Variants in SPATA21 observed in about 807,000 individuals in gnomAD.
SPATA21 encodes the protein spermatogenesis associated 21, also known as spermatogenesis-associated protein 21.
A neutral mutation model predicts 54.8 loss-of-function variants in SPATA21; 47 were observed. The observed-to-expected ratio is 0.86, with a 90% CI of 0.68 to 1.09. The LOEUF (loss-of-function observed/expected upper bound fraction) is 1.09, where lower values mean the gene tolerates loss of function less well. Ranked by LOEUF, SPATA21 falls within the 50% of genes least tolerant of loss-of-function variation. The pLI, the probability that SPATA21 is intolerant of heterozygous loss-of-function variation, is 0.00. For missense variants in SPATA21, 599 were observed against 596.4 expected (o/e 1.00, Z -0.05); for synonymous variants, 245 against 235.3 (o/e 1.04, Z -0.38).
At chr1:16,397,786 C>T (rs1314898026), downstream of SPATA21, 4 of 160,192 alleles carry the variant, frequency 2.5e-5, no homozygotes, top group African/African-American at 9.6e-5. This position sits in a 1 kb window ranked among gnomAD's most constrained non-coding sequence, Gnocchi z 5.4. Context: ...CCATCAGCCC[C>T]TTCCAGAGCC....
At chr1:16,411,107 C>T (rs1323982580) in intron 5 of SPATA21, among the ~76,000 whole-genome samples, 1 of 152,134 alleles carries the variant, frequency 6.6e-6, no homozygotes, top group African/African-American at 2.4e-5. Flanking sequence ...GTGCTTACCA[C>T]ACACTCTCTC....
rs889404548 is a variant in SPATA21, at chr1:16,421,340, C to T, written c.144+169G>A. On this transcript the variant is annotated intron_variant, in intron 5 of 12. Coordinates refer to ENST00000335496, the MANE Select transcript of SPATA21 (RefSeq NM_198546.1). This position sits in a 1 kb window ranked among gnomAD's most constrained non-coding sequence, Gnocchi z 5.2. ...ACACAGGCACAGGCACACACACACACGTGTGCACATCCATGTGCACTTTAA... is the reference window on the plus strand; with the variant it reads ...ACACAGGCACAGGCACACACACACATGTGTGCACATCCATGTGCACTTTAA... 2.6e-5 allele frequency among the ~76,000 whole-genome samples: 4 copies of T among 152,076 alleles called. No individual in the cohort carries two copies. Among genetic ancestry groups the T allele is most frequent in the South Asian group, 2.1e-4 (1 of 4,826 alleles).
intron 8 of SPATA21, 83 bp from the exon 9 acceptor site, chr1:16,404,122 CA>C: frequency 8.4e-7 from 1 of 1,186,566 alleles, no homozygotes. Context: ...TATTAGAAGT[CA>C]CTGTCTGGGT....
chr1:16,420,033 G>A (rs1255872003), intron 5 of SPATA21, among the ~76,000 whole-genome samples: 1 of 152,136 alleles, frequency 6.6e-6, no homozygotes, highest in Admixed American at 6.6e-5. Flanking sequence ...ATGGAGATGG[G>A]AGACCAGAGG....
intron 7 of SPATA21, among the ~76,000 whole-genome samples, chr1:16,407,400 G>A (rs1172337089): frequency 6.6e-6 from 1 of 152,144 alleles, no homozygotes; most frequent in Non-Finnish European, 1.5e-5. Context: ...AGGAGGTGGG[G>A]CAGGGAGAGC....
intron 3 of SPATA21, among the ~76,000 whole-genome samples, chr1:16,422,425 C>G (rs2086198375): frequency 6.6e-6 from 1 of 152,068 alleles, no homozygotes; most frequent in Non-Finnish European, 1.5e-5. Context: ...CCCAAAGAAC[C>G]ACACTTCCCT....
intron 2 of SPATA21, among the ~76,000 whole-genome samples, chr1:16,432,490 C>T (rs1292604371): frequency 1.3e-5 from 2 of 151,920 alleles, no homozygotes; most frequent in African/African-American, 4.8e-5. Context: ...GCCACCACCC[C>T]CTACACAAAC....
At chr1:16,413,159 T>C (rs1449533708) in intron 5 of SPATA21, among the ~76,000 whole-genome samples, 1 of 148,416 alleles carries the variant, frequency 6.7e-6, no homozygotes, top group African/African-American at 2.5e-5. Context: ...AGAAACTCCA[T>C]ATCCATTAAA....
rs368384075 is a variant in SPATA21 at position 16,410,647 on chromosome 1, A to G, written c.145-604T>C. The G allele has an allele frequency of 2.7e-3, 532 of 199,820 alleles. 14 individuals are homozygous for G. The South Asian group carries it at 0.031, about 12-fold the overall frequency. The allele number at this position is 199,820 out of a possible 1,614,324, so 12.4% of individuals were successfully genotyped here. A position where few individuals can be genotyped will look rare whatever the true frequency, so the allele number is the denominator to read the frequency against. ...GCTGGTCTCCAACTCCTGACCTCACATGATTTGCCTGCCTCAGCCTCCCAA... is the reference window on the plus strand; with the variant it reads ...GCTGGTCTCCAACTCCTGACCTCACGTGATTTGCCTGCCTCAGCCTCCCAA... On this transcript the variant is annotated intron_variant, in intron 5 of 12. Transcript: ENST00000335496.
In SPATA21 at chr1:16,428,163, G is replaced by A. The variant is rs985329049; in HGVS notation, c.34+3175C>T. ...ATTGGGGAAGCTGTTGGAGAGGGGT[G>A]AGCAGGAGCTGAGAGGCAGGGATGC... On this transcript the variant is annotated intron_variant, in intron 3 of 12. Transcript: ENST00000335496. The surrounding 1 kb of genome is among the most constrained non-coding windows in gnomAD (Gnocchi z 4.3). The A allele has an allele frequency of 7.3e-6, 8 of 1,102,328 alleles. No homozygotes were observed. Among genetic ancestry groups the A allele is most frequent in the Middle Eastern group, 2.1e-4 (1 of 4,786 alleles). 68.3% of individuals were successfully genotyped at this position (1,102,328 alleles called of 1,614,324 possible).
At chr1:16,429,455 T>G (rs1018195109) in intron 3 of SPATA21, among the ~76,000 whole-genome samples, 1 of 151,290 alleles carries the variant, frequency 6.6e-6, no homozygotes, top group African/African-American at 2.4e-5. Flanking sequence ...TGTATTGTAT[T>G]TTATTTATTT....
rs993903693 is a variant in SPATA21 at position 16,422,155 on chromosome 1, T to C, written c.35-184A>G. On this transcript the variant is annotated intron_variant, in intron 3 of 12. Transcript: ENST00000335496. ...CAGCAAGGCTCTGCTGGCTGCACCA[T>C]GTCTGCCTGGTGACTGGGGGTGGAT... 29 of 1,456,116 alleles carry C rather than the reference T, an allele frequency of 2.0e-5. No individual in the cohort carries two copies. The South Asian group carries it at 4.1e-4, about 21-fold the overall frequency. The allele number at this position is 1,456,116 out of a possible 1,614,324, so 90.2% of individuals were successfully genotyped here. A position where few individuals can be genotyped will look rare whatever the true frequency, so the allele number is the denominator to read the frequency against.
chr1:16,402,894 T>C (rs6678119), intron 10 of SPATA21, among the ~76,000 whole-genome samples: 71,917 of 152,000 alleles, frequency 0.47, 17,534 homozygotes, highest in East Asian at 0.67. Context: ...TCACTACACT[T>C]CAGCCTGGGC....
intron 7 of SPATA21, among the ~76,000 whole-genome samples, chr1:16,407,791 G>A (rs2100805484): frequency 6.8e-6 from 1 of 147,476 alleles, no homozygotes; most frequent in Admixed American, 6.7e-5. Flanking sequence ...TAAGAGACAG[G>A]GTCTTGCTCT....
At chr1:16,398,593 G>A (rs1307162035), downstream of SPATA21, 2 of 689,160 alleles carry the variant, frequency 2.9e-6, no homozygotes, top group African/African-American at 1.8e-5. Context: ...AGAGCCCAGT[G>A]GTGGCTGGGT....
intron 10 of SPATA21, among the ~76,000 whole-genome samples, chr1:16,401,237 G>A (rs1369395075): frequency 6.6e-6 from 1 of 152,216 alleles, no homozygotes; most frequent in Non-Finnish European, 1.5e-5. Flanking sequence ...GGCCCATCAA[G>A]CACGCAGCAT....
intron 7 of SPATA21, among the ~76,000 whole-genome samples, chr1:16,407,931 A>G (rs2085699028): frequency 6.6e-6 from 1 of 152,052 alleles, no homozygotes. Context: ...ATGTCCGGCT[A>G]ATTTTTAAAG....
At chr1:16,412,693 C>T (rs2100828368) in intron 5 of SPATA21, among the ~76,000 whole-genome samples, 1 of 152,294 alleles carries the variant, frequency 6.6e-6, no homozygotes, top group East Asian at 1.9e-4. Context: ...GAACTCCTGA[C>T]CTCAGGTGAT....
chr1:16,431,366 G>A lies in SPATA21; in HGVS notation c.6C>T (p.Asp2=), dbSNP rs765492475. Residue 2 remains aspartate (D), a synonymous_variant, in exon 3 of 13, where the codon GAC becomes GAT. Transcript: ENST00000335496. M[D]NRNTQMYTEE... ...CCGTGTACATCTGGGTGTTTCTATTGTCCATGATGCCAGCGCCAACACGGG... is the reference window on the plus strand; with the variant it reads ...CCGTGTACATCTGGGTGTTTCTATTATCCATGATGCCAGCGCCAACACGGG... 1 of 1,614,046 alleles carries A rather than the reference G, an allele frequency of 6.2e-7. No individual in the cohort carries two copies. Among genetic ancestry groups the A allele is most frequent in the Admixed American group, 1.7e-5 (1 of 59,994 alleles).
Sources: allele counts gnomAD v4.1 joint callset (sites outside exome capture counted in the v4.1 genomes callset), GRCh38; gene constraint gnomAD v4.1.1; non-coding constraint Gnocchi (gnomAD v3.1); transcripts MANE v1.5; gene names NCBI Gene and HGNC (gene_info 2026-07-23, HGNC 2026-07-21).